PRUNE2: variants seen among roughly 807,000 people sequenced by gnomAD.
PRUNE2 encodes prune homolog 2 with BCH domain, also known as protein prune homolog 2.
Under a neutral mutation model 252.0 loss-of-function variants are expected in PRUNE2, and 164 were observed. The ratio of observed to expected loss-of-function variants is 0.65; its 90% CI spans 0.57 to 0.74. PRUNE2 has a LOEUF of 0.74. Among genes scored for constraint, PRUNE2 ranks in the 30% least tolerant of loss-of-function variants. The pLI is 0.00. For missense variants in PRUNE2, 3,495 were observed against 3,711.0 expected (o/e 0.94, Z 1.51); for synonymous variants, 1,292 against 1,350.2 (o/e 0.96, Z 0.94).
rs199622523 is a variant in PRUNE2, at chr9:76,644,854, C to T, written c.8613G>A (p.Thr2871=). ...GQESESIPEY[T]AEEEREDNRL... ...GGTTGTCCTCCCGTTCCTCTTCGGC[C>T]GTATATTCTGGAATAGACTCTGACT... Residue 2871 remains threonine (T), a synonymous_variant, in exon 12 of 19, where the codon ACG becomes ACA. Transcript: ENST00000376718. 354 of 1,613,838 alleles carry T rather than the reference C, an allele frequency of 2.2e-4. 1 individual carries two copies. In the Middle Eastern group the frequency reaches 3.3e-3, roughly 15 times the overall value.
At chr9:76,731,280 C>CTCTCTCTCTCTA (rs1403056135) in intron 6 of PRUNE2, among the ~76,000 whole-genome samples, 13 of 86,848 alleles carry the variant, frequency 1.5e-4, no homozygotes, top group African/African-American at 3.6e-4. Flanking sequence ...TATTCCCTCT[C>CTCTCTCTCTCTA]TCTATCTATC....
Position 76,652,553 on chromosome 9 carries a change from A to C in PRUNE2, c.8487T>G (p.Asp2829Glu). ...GTTCATCCACATTGATGTCAATTTC[A>C]TCTGGACTGTCCAAGTTATCATCAG... ...ILSDDNLDSPDEIDINVDELD... is the reference protein window; with the variant it reads ...ILSDDNLDSPEEIDINVDELD... The change falls in exon 11 of 19, where the codon GAT (aspartate) becomes GAG (glutamate). Residue 2829 changes from aspartate to glutamate, a missense_variant. Coordinates refer to ENST00000376718, the MANE Select transcript of PRUNE2 (RefSeq NM_015225.3). The C allele has an allele frequency of 1.9e-6, 3 of 1,613,498 alleles. No homozygotes were observed. Among genetic ancestry groups the C allele is most frequent in the Non-Finnish European group, 2.5e-6 (3 of 1,179,482 alleles).
chr9:76,730,869 C>T (rs542351450), intron 6 of PRUNE2, among the ~76,000 whole-genome samples: 19 of 152,314 alleles, frequency 1.2e-4, no homozygotes, highest in Non-Finnish European at 1.9e-4. Context: ...CACCACTGCA[C>T]TCCAGCCTGG....
At chr9:76,670,679 T>C (rs370877099) in intron 9 of PRUNE2, among the ~76,000 whole-genome samples, 1 of 152,002 alleles carries the variant, frequency 6.6e-6, no homozygotes, top group Non-Finnish European at 1.5e-5. Context: ...AGAGCAGTGG[T>C]TCTCCCAGCA....
chr9:76,731,717 A>C (rs1045850801), intron 6 of PRUNE2, among the ~76,000 whole-genome samples: 1 of 152,112 alleles, frequency 6.6e-6, no homozygotes, highest in Non-Finnish European at 1.5e-5. Flanking sequence ...AAAAATGTAC[A>C]CCTCATTGGT....
At chr9:76,841,108 T>C (rs1484634187) in intron 4 of PRUNE2, among the ~76,000 whole-genome samples, 1 of 152,100 alleles carries the variant, frequency 6.6e-6, no homozygotes, top group African/African-American at 2.4e-5. Flanking sequence ...CTGAGGTACC[T>C]GGCTCATCTC....
intron 9 of PRUNE2, among the ~76,000 whole-genome samples, chr9:76,696,206 T>C (rs1159734109): frequency 6.6e-6 from 1 of 152,164 alleles, no homozygotes; most frequent in Non-Finnish European, 1.5e-5. Context: ...TAGCCTTTGT[T>C]CCTGAAGAAC....
At chr9:76,702,516 A>G (rs1406598648) in intron 9 of PRUNE2, among the ~76,000 whole-genome samples, 2 of 152,202 alleles carry the variant, frequency 1.3e-5, no homozygotes, top group East Asian at 3.8e-4. Flanking sequence ...CAGAGACTGG[A>G]AGCTTGAGGG....
chr9:76,768,536 C>A (rs1041645158), intron 6 of PRUNE2, among the ~76,000 whole-genome samples: 3 of 150,984 alleles, frequency 2.0e-5, no homozygotes, highest in Non-Finnish European at 4.4e-5. Flanking sequence ...GCACCTAGAA[C>A]GTTCTCTGGG....
At position 76,664,014 on chromosome 9, in the gene PRUNE2, A is replaced by C. The variant is rs541878261; in HGVS notation, c.8277-8512T>G. ...ATCTTCCTCTACGCAGATCCGCTAC[A>C]TCCTACCTTCTCTGTGACGACTTTG... On this transcript the variant is annotated intron_variant, in intron 9 of 18. Coordinates refer to ENST00000376718, the MANE Select transcript of PRUNE2 (RefSeq NM_015225.3). Among the ~76,000 whole-genome samples, 6 of 152,320 alleles carry C rather than the reference A, an allele frequency of 3.9e-5. No individual in the cohort carries two copies. In the East Asian group the frequency reaches 1.2e-3, roughly 29 times the overall value.
chr9:76,822,239 A>G (rs2058074932), intron 6 of PRUNE2, among the ~76,000 whole-genome samples: 1 of 152,234 alleles, frequency 6.6e-6, no homozygotes, highest in African/African-American at 2.4e-5. Context: ...CTGAAAGTCC[A>G]TAGAAACAGT....
chr9:76,831,626 T>C (rs951966815), intron 4 of PRUNE2, among the ~76,000 whole-genome samples: 4 of 152,154 alleles, frequency 2.6e-5, no homozygotes, highest in Admixed American at 6.5e-5. Context: ...ATATTTTAAC[T>C]GTATGTTGTA....
intron 1 of PRUNE2, among the ~76,000 whole-genome samples, chr9:76,865,384 C>G (rs893754998): frequency 6.6e-6 from 1 of 152,070 alleles, no homozygotes; most frequent in Non-Finnish European, 1.5e-5. Flanking sequence ...TATTCTAGTA[C>G]AGTAATACAC....
chr9:76,808,507 A>G (rs1428030578), intron 6 of PRUNE2: 1 of 152,238 alleles, frequency 6.6e-6, no homozygotes, highest in East Asian at 1.9e-4. Context: ...AACTTGATCT[A>G]CATTTGAAGC....
intron 1 of PRUNE2, among the ~76,000 whole-genome samples, chr9:76,864,078 T>C (rs1001474475): frequency 5.9e-5 from 9 of 152,132 alleles, no homozygotes; most frequent in South Asian, 2.1e-4. Context: ...AAAGAAAATA[T>C]GGTACAAACA....
chr9:76,791,553 A>G (rs2131390133), intron 6 of PRUNE2, among the ~76,000 whole-genome samples: 1 of 116,270 alleles, frequency 8.6e-6, no homozygotes, highest in South Asian at 3.2e-4. Context: ...TCATTGGTAC[A>G]ATAATACTGC....
At chr9:76,683,679 T>C (rs946714347) in intron 9 of PRUNE2, among the ~76,000 whole-genome samples, 1 of 152,160 alleles carries the variant, frequency 6.6e-6, no homozygotes, top group Non-Finnish European at 1.5e-5. Context: ...CACACCTTCA[T>C]ATATTTGTTG....
chr9:76,670,039 G>A (rs565327), intron 9 of PRUNE2, among the ~76,000 whole-genome samples: 86,719 of 151,960 alleles, frequency 0.57, 27,516 homozygotes, highest in South Asian at 0.71. Context: ...CAAAATCTTC[G>A]GGGAGGAGCC....
chr9:76,803,028 C>A (rs1287870115), intron 6 of PRUNE2, among the ~76,000 whole-genome samples: 1 of 151,994 alleles, frequency 6.6e-6, no homozygotes, highest in African/African-American at 2.4e-5. Flanking sequence ...CATAAGCAAA[C>A]CCACATTGTT....
Sources: gnomAD v4.1 joint callset for allele counts (sites outside exome capture counted in the v4.1 genomes callset) on GRCh38, gnomAD v4.1.1 for gene constraint, MANE v1.5 for transcripts, NCBI Gene and HGNC (gene_info 2026-07-23, HGNC 2026-07-21) for gene names.